The following POLH variants were observed in gnomAD, a reference collection of about 807,000 sequenced individuals.
POLH encodes DNA polymerase eta.
Under a neutral mutation model 73.6 loss-of-function variants are expected in POLH, and 53 were observed. The observed-to-expected ratio is 0.72, with a 90% CI of 0.58 to 0.91. POLH has a LOEUF of 0.91. Ranked by LOEUF, POLH falls within the 40% of genes least tolerant of loss-of-function variation. The pLI, the probability that POLH is intolerant of heterozygous loss-of-function variation, is 0.00. For missense variants in POLH, 768 were observed against 865.4 expected (o/e 0.89, Z 1.41); for synonymous variants, 292 against 308.5 (o/e 0.95, Z 0.56).
intron 3 of POLH, among the ~76,000 whole-genome samples, chr6:43,585,632 C>CTTTTTTTTTTT (rs927573344): frequency 7.5e-6 from 1 of 133,122 alleles, no homozygotes; most frequent in African/African-American, 3.4e-5. Context: ...ATTGCTCTTT[C>CTTTTTTTTTTT]TTTTCTTTTT....
intron 9 of POLH, among the ~76,000 whole-genome samples, chr6:43,608,667 T>C (rs997367857): frequency 6.6e-6 from 1 of 152,166 alleles, no homozygotes; most frequent in African/African-American, 2.4e-5. Flanking sequence ...GTGCTGGGAG[T>C]ACAGGCATGA....
chr6:43,582,423 C>G lies in POLH; in HGVS notation c.104C>G (p.Ala35Gly). The G allele has an allele frequency of 6.2e-7, 1 of 1,613,818 alleles. No homozygotes were observed. Among genetic ancestry groups the G allele is most frequent in the South Asian group, 1.1e-5 (1 of 91,074 alleles). Residue 35 changes from alanine to glycine, a missense_variant, in exon 2 of 11, where the codon GCA (alanine) becomes GGA (glycine). Physicochemically the swap from Ala to Gly is moderately conservative, Grantham distance 60. Coordinates refer to ENST00000372236, the MANE Select transcript of POLH (RefSeq NM_006502.3). ...QNPHLRNKPC[A>G]VVQYKSWKGG... ...CCTCATTTGAGGAATAAACCTTGTG[C>G]AGTTGTACAGTACAAATCATGGAAG...
Position 43,604,680 on chromosome 6 carries a change from A to C in POLH, c.950A>C (p.Lys317Thr). ...HDPVKPRQLP[K>T]TIGCSKNFPG... Reference sequence around the variant, plus strand: ...CCAGTTAAACCCAGGCAACTACCCAAAACCATTGGCTGTAGTAAGAACTTC... The same window carrying C: ...CCAGTTAAACCCAGGCAACTACCCACAACCATTGGCTGTAGTAAGAACTTC... The change falls in exon 8 of 11, where the codon AAA becomes ACA. Residue 317 changes from lysine (K) to threonine (T), a missense_variant. By Grantham distance (78) the Lys-to-Thr change is moderately conservative. Coordinates refer to ENST00000372236, the MANE Select transcript of POLH (RefSeq NM_006502.3). 6.2e-7 allele frequency: 1 copy of C among 1,614,118 alleles called. No individual in the cohort carries two copies. The highest frequency in any genetic ancestry group is 8.5e-7 in the Non-Finnish European group (1 of 1,179,988).
At position 43,618,124 on chromosome 6, in the gene POLH, C is replaced by T. The variant is rs545868329; in HGVS notation, c.*3567C>T. 6.6e-5 allele frequency among the ~76,000 whole-genome samples: 10 copies of T among 151,984 alleles called. No homozygotes were observed. The highest frequency in any genetic ancestry group is 2.2e-4 in the African/African-American group (9 of 41,378). Reference sequence around the variant, plus strand: ...TTAGGGTTTAAAATTTGTTATGTAGCTTTTTGCACTTGTCCATGTTTATAC... The same window carrying T: ...TTAGGGTTTAAAATTTGTTATGTAGTTTTTTGCACTTGTCCATGTTTATAC... On this transcript the variant is annotated 3_prime_UTR_variant, in exon 11 of 11. Coordinates refer to ENST00000372236, the MANE Select transcript of POLH (RefSeq NM_006502.3).
rs112936152 is a variant in POLH at position 43,612,064 on chromosome 6, A to G, written c.1244+1341A>G. 9.1e-4 allele frequency among the ~76,000 whole-genome samples: 139 copies of G among 152,252 alleles called. 1 individual carries two copies. The highest frequency in any genetic ancestry group is 3.4e-3 in the Middle Eastern group (1 of 294). The stretch of plus-strand genomic sequence containing the variant: ...AGAGCGAAATTCCGTCTCCAACAAC[A>G]ACAACAACAAATAAATAAATAAATA... On this transcript the variant is annotated intron_variant, in intron 10 of 10. Transcript: ENST00000372236.
At chr6:43,592,913 C>CA (rs1213064279) in intron 4 of POLH, among the ~76,000 whole-genome samples, 1 of 152,166 alleles carries the variant, frequency 6.6e-6, no homozygotes, top group Non-Finnish European at 1.5e-5. Context: ...GACATGGTCT[C>CA]ACTATGTTGC....
At chr6:43,578,322 G>C (rs1763617415) in intron 1 of POLH, 1 of 352,222 alleles carries the variant, frequency 2.8e-6, no homozygotes, top group South Asian at 2.2e-5. Context: ...GGGAGGCGTA[G>C]GTTGCAGTGA....
Position 43,620,090 on chromosome 6 carries a change from T to C in POLH, c.*5533T>C, listed in dbSNP as rs888404025. 3.0e-6 allele frequency: 1 copy of C among 336,208 alleles called. No individual in the cohort carries two copies. Among genetic ancestry groups the C allele is most frequent in the African/African-American group, 2.3e-5 (1 of 44,150 alleles). The allele number at this position is 336,208 out of a possible 1,614,324, so 20.8% of individuals were successfully genotyped here. On this transcript the variant is annotated 3_prime_UTR_variant, in exon 11 of 11. Coordinates refer to ENST00000372236, the MANE Select transcript of POLH (RefSeq NM_006502.3). Reference sequence around the variant, plus strand: ...TGTTCCAAGAGTAATTTAGGCTATGTAAACTTGAAAAATATGGGACCAGAT... The same window carrying C: ...TGTTCCAAGAGTAATTTAGGCTATGCAAACTTGAAAAATATGGGACCAGAT...
chr6:43,594,862 T>C (rs9333531), intron 4 of POLH, among the ~76,000 whole-genome samples: 2,799 of 151,982 alleles, frequency 0.018, 35 homozygotes, highest in South Asian at 0.041. Flanking sequence ...GAATGTTCTT[T>C]TAACAATTAT....
At chr6:43,610,408 A>C (rs1312661156) in intron 9 of POLH, 146 bp from the exon 10 acceptor site, 1 of 703,462 alleles carries the variant, frequency 1.4e-6, no homozygotes, top group Non-Finnish European at 2.5e-6. Context: ...TGCAGAACTC[A>C]GTTTACCTTT....
intron 1 of POLH, among the ~76,000 whole-genome samples, chr6:43,580,164 G>A (rs887858667): frequency 4.1e-5 from 6 of 147,242 alleles, no homozygotes; most frequent in Non-Finnish European, 7.4e-5. Context: ...ATCTTACACC[G>A]CCCTTAATCC....
In POLH at chr6:43,604,721, CT is replaced by C; in HGVS notation, c.993del (p.Ala332LeufsTer13). The C allele has an allele frequency of 6.2e-7, 1 of 1,614,140 alleles. No homozygotes were observed. Among genetic ancestry groups the C allele is most frequent in the Non-Finnish European group, 8.5e-7 (1 of 1,180,014 alleles). On this transcript the variant is annotated frameshift_variant, in exon 8 of 11. Coordinates refer to ENST00000372236, the MANE Select transcript of POLH (RefSeq NM_006502.3). LOFTEE classifies it high-confidence loss of function. ...CSKNFPGKTA[L>X]ATREQVQWWL... ...TAAGAACTTCCCAGGAAAAACAGCT[CT>C]TGCTACTCGGGAACAGGTAAGCTGG...
At chr6:43,608,277 T>A (rs1437135028) in intron 9 of POLH, among the ~76,000 whole-genome samples, 2 of 152,234 alleles carry the variant, frequency 1.3e-5, no homozygotes, top group East Asian at 3.8e-4. Context: ...ACTTTCCTAA[T>A]GGTATTGTTT....
rs1173796788 is a variant in POLH at position 43,580,999 on chromosome 6, C to A, written c.-4-1317C>A. 6.1e-5 allele frequency among the ~76,000 whole-genome samples: 9 copies of A among 146,552 alleles called. No homozygotes were observed. In the East Asian group the frequency reaches 1.3e-3, roughly 20 times the overall value. On this transcript the variant is annotated intron_variant, in intron 1 of 10. Coordinates refer to ENST00000372236, the MANE Select transcript of POLH (RefSeq NM_006502.3). ...CTGGCCGGGCGGGGGGCTGACCCCC[C>A]CCCACCTCCCTCCCGGACGGGGTGG...
chr6:43,600,906 T>C, intron 5 of POLH, 82 bp from the exon 6 acceptor site: 1 of 845,716 alleles, frequency 1.2e-6, no homozygotes, highest in Non-Finnish European at 2.1e-6. Context: ...GCTCTGTGTG[T>C]GTGTATGTTA....
At chr6:43,581,144 G>A (rs1429138200) in intron 1 of POLH, among the ~76,000 whole-genome samples, 2 of 145,476 alleles carry the variant, frequency 1.4e-5, no homozygotes, top group African/African-American at 5.1e-5. Flanking sequence ...AGACGGGGTG[G>A]TTGCCAGGCA....
At chr6:43,601,260 TTTTA>T (rs1210316931) in intron 6 of POLH, among the ~76,000 whole-genome samples, 169 bp downstream of exon 6, 1 of 152,052 alleles carries the variant, frequency 6.6e-6, no homozygotes, top group East Asian at 1.9e-4. Context: ...AGACTTTTAT[TTTTA>T]TTTATTTATT....
chr6:43,595,550 A>C (rs1375293464), intron 4 of POLH, among the ~76,000 whole-genome samples: 1 of 152,128 alleles, frequency 6.6e-6, no homozygotes, highest in Non-Finnish European at 1.5e-5. Flanking sequence ...GATCAAGACT[A>C]TCCTGGCTAA....
In POLH at chr6:43,599,582, C is replaced by T. The variant is rs550789240; in HGVS notation, c.661-1406C>T. ...GATTTTCCCTGGTTGATACCTTCTC[C>T]GCCTCCCTTCAATACAAGGAAAGTT... On this transcript the variant is annotated intron_variant, in intron 5 of 10. Transcript: ENST00000372236. Among the ~76,000 whole-genome samples, 22 of 151,522 alleles carry T rather than the reference C, an allele frequency of 1.5e-4. No individual in the cohort carries two copies. The Middle Eastern group carries it at 0.01, about 70-fold the overall frequency.
Sources: allele counts gnomAD v4.1 joint callset (sites outside exome capture counted in the v4.1 genomes callset), GRCh38; gene constraint gnomAD v4.1.1; transcripts MANE v1.5; gene names NCBI Gene and HGNC (gene_info 2026-07-23, HGNC 2026-07-21).